HDAC4: variants seen among roughly 807,000 people sequenced by gnomAD.
HDAC4 encodes histone deacetylase 4.
In HDAC4, 16 loss-of-function variants were observed where a neutral mutation model predicts 135.1. That is an observed-to-expected ratio of 0.12 (90% confidence interval 0.08 to 0.18). The LOEUF (loss-of-function observed/expected upper bound fraction) is 0.18. Among genes scored for constraint, HDAC4 ranks in the 10% least tolerant of loss-of-function variants. The probability of loss-of-function intolerance (pLI) is 1.00; values close to 1 mark genes in which losing one functional copy is unlikely to be tolerated. For synonymous variants in HDAC4, 685 were observed against 653.4 expected, an observed-to-expected ratio of 1.05 and a Z score of -0.74; for missense variants, 1,143 against 1,511.8, an observed-to-expected ratio of 0.76 and a Z score of 4.05.
At chr2:239,397,425 G>A (rs1696638560) in intron 1 of HDAC4, among the ~76,000 whole-genome samples, 1 of 152,156 alleles carries the variant, frequency 6.6e-6, no homozygotes, top group South Asian at 2.1e-4. Flanking sequence ...TCATCTCCTT[G>A]CTCCAGGATA....
chr2:239,140,972 C>T (rs147438631), intron 8 of HDAC4: 21 of 426,966 alleles, frequency 4.9e-5, no homozygotes, highest in African/African-American at 4.3e-4. Flanking sequence ...GGTAAAGCCA[C>T]CCACAGCTCC....
chr2:239,161,928 G>C (rs1201622684), intron 6 of HDAC4: 42 of 367,962 alleles, frequency 1.1e-4, no homozygotes, highest in Non-Finnish European at 2.2e-5. Flanking sequence ...TGCAGGTGCA[G>C]CCTTTCCTTG....
chr2:239,231,065 T>C (rs1378620197), intron 3 of HDAC4, among the ~76,000 whole-genome samples: 4 of 152,242 alleles, frequency 2.6e-5, no homozygotes, highest in African/African-American at 4.8e-5. Flanking sequence ...TTGCGTTATT[T>C]TGGAGAGTTT....
chr2:239,174,748 G>T (rs947599235), intron 5 of HDAC4, among the ~76,000 whole-genome samples: 1 of 152,198 alleles, frequency 6.6e-6, no homozygotes, highest in African/African-American at 2.4e-5. Context: ...AACTTTAGAA[G>T]AAATGACTAC....
rs774235431 is a variant in HDAC4 at position 239,240,850 on chromosome 2, C to T, written c.23-4186G>A. Among the ~76,000 whole-genome samples the T allele has an allele frequency of 2.6e-5, 4 of 152,232 alleles. No individual in the cohort carries two copies. The highest frequency in any genetic ancestry group is 5.9e-5 in the Non-Finnish European group (4 of 68,050). On this transcript the variant is annotated intron_variant, in intron 2 of 26. Transcript: ENST00000543185. This position sits in a 1 kb window ranked among gnomAD's most constrained non-coding sequence, Gnocchi z 4.5. Reference sequence around the variant, plus strand: ...AGCCTGAACTGAGCATTGTTTGAGACTCGGAGTCCGCCCATGGGAGGAACA... The same window carrying T: ...AGCCTGAACTGAGCATTGTTTGAGATTCGGAGTCCGCCCATGGGAGGAACA...
Position 239,269,378 on chromosome 2 carries a change from T to C in HDAC4, c.23-32714A>G, listed in dbSNP as rs572699845. Reference sequence around the variant, plus strand: ...ATACACGTGCATGCATGCATGCACCTAGCAAATATTGTACATTGTCTGTGT... The same window carrying C: ...ATACACGTGCATGCATGCATGCACCCAGCAAATATTGTACATTGTCTGTGT... On this transcript the variant is annotated intron_variant, in intron 2 of 26. Transcript: ENST00000543185. Among the ~76,000 whole-genome samples, 5 of 152,296 alleles carry C rather than the reference T, an allele frequency of 3.3e-5. No individual in the cohort carries two copies. The East Asian group carries it at 9.7e-4, about 29-fold the overall frequency.
chr2:239,066,277 A>G (rs2033468967), intron 24 of HDAC4, among the ~76,000 whole-genome samples: 1 of 152,206 alleles, frequency 6.6e-6, no homozygotes, highest in African/African-American at 2.4e-5. Flanking sequence ...AGCAGCAGAC[A>G]GGCCTGCTGG....
intron 1 of HDAC4, among the ~76,000 whole-genome samples, chr2:239,355,091 G>C (rs755087748): frequency 6.6e-6 from 1 of 152,050 alleles, no homozygotes; most frequent in Non-Finnish European, 1.5e-5. Context: ...GAATCTACTG[G>C]CATTTTTTTC....
intron 8 of HDAC4, among the ~76,000 whole-genome samples, chr2:239,140,641 G>A (rs747939021): frequency 5.9e-5 from 9 of 152,198 alleles, no homozygotes; most frequent in African/African-American, 1.2e-4. Flanking sequence ...AACTCTAGGC[G>A]TCTGCTGTTC....
chr2:239,094,877 C>T (rs1462512315), intron 17 of HDAC4, 133 bp downstream of exon 17: 1 of 1,589,498 alleles, frequency 6.3e-7, no homozygotes, highest in Admixed American at 1.7e-5. Flanking sequence ...TGAAGCCGCA[C>T]ATGGGCAGCC....
chr2:239,302,915 C>T (rs1359076704), intron 2 of HDAC4, among the ~76,000 whole-genome samples: 1 of 152,222 alleles, frequency 6.6e-6, no homozygotes, highest in African/African-American at 2.4e-5. Context: ...GTGGTGACAG[C>T]CCCAAGCAGG....
chr2:239,123,842 C>T (rs2039901969), intron 12 of HDAC4, among the ~76,000 whole-genome samples: 1 of 152,102 alleles, frequency 6.6e-6, no homozygotes, highest in Non-Finnish European at 1.5e-5. Flanking sequence ...TTGCTGGGAT[C>T]CTGGTATTTC....
rs1000165132 is a variant in HDAC4 at position 239,116,002 on chromosome 2, C to T, written c.1534-692G>A. 4.6e-5 allele frequency among the ~76,000 whole-genome samples: 7 copies of T among 152,160 alleles called. 1 individual carries two copies. Among genetic ancestry groups the T allele is most frequent in the African/African-American group, 1.2e-4 (5 of 41,430 alleles). ...GGGGCCCCAAGAACCGCAACATCCTCCCTCCTGTGGGACTCCCTAGATGCC... is the reference window on the plus strand; with the variant it reads ...GGGGCCCCAAGAACCGCAACATCCTTCCTCCTGTGGGACTCCCTAGATGCC... On this transcript the variant is annotated intron_variant, in intron 12 of 26. Coordinates refer to ENST00000543185, the MANE Select transcript of HDAC4 (RefSeq NM_001378414.1).
At chr2:239,346,519 AAC>A (rs1291604571) in intron 2 of HDAC4, among the ~76,000 whole-genome samples, 1 of 145,096 alleles carries the variant, frequency 6.9e-6, no homozygotes, top group Non-Finnish European at 1.5e-5. Flanking sequence ...CACACACCCT[AAC>A]ACATACCACA....
intron 2 of HDAC4, among the ~76,000 whole-genome samples, chr2:239,261,759 G>C (rs2125101420): frequency 6.6e-6 from 1 of 152,138 alleles, no homozygotes; most frequent in Middle Eastern, 3.4e-3. Flanking sequence ...GCAGTGGGCT[G>C]GTCCACTCTT....
chr2:239,048,915 C>T lies in HDAC4; in HGVS notation c.*4182G>A, dbSNP rs540204281. On this transcript the variant is annotated 3_prime_UTR_variant, in exon 27 of 27. Coordinates refer to ENST00000543185, the MANE Select transcript of HDAC4 (RefSeq NM_001378414.1). ...AGCTGTGCGGAAAAGGGGACTCTTTCGAGTCCGCCCAGTTCTCAATCAGAA... is the reference window on the plus strand; with the variant it reads ...AGCTGTGCGGAAAAGGGGACTCTTTTGAGTCCGCCCAGTTCTCAATCAGAA... 2 of 152,358 alleles carry T rather than the reference C, an allele frequency of 1.3e-5. No homozygotes were observed. Among genetic ancestry groups the T allele is most frequent in the South Asian group, 2.1e-4 (1 of 4,830 alleles). 9.4% of individuals were successfully genotyped at this position (152,358 alleles called of 1,614,324 possible). A position where few individuals can be genotyped will look rare whatever the true frequency, so the allele number is the denominator to read the frequency against.
rs573222408 is a variant in HDAC4 at position 239,102,794 on chromosome 2, C to T, written c.2215G>A (p.Asp739Asn). ...GTNPLNRQKL[D>N]SKKLLGSLAS... ...GAAATACCTAGAAGTTTCTTACTGT[C>T]CAGTTTCTGCCGGTTGAGGGGGTTC... The change falls in exon 16 of 27, where the codon GAC (aspartate) becomes AAC (asparagine). Residue 739 changes from aspartate to asparagine, a missense_variant. Transcript: ENST00000543185. 1 of 1,613,912 alleles carries T rather than the reference C, an allele frequency of 6.2e-7. No homozygotes were observed. Among genetic ancestry groups the T allele is most frequent in the Admixed American group, 1.7e-5 (1 of 60,020 alleles).
At chr2:239,089,861 G>A in intron 18 of HDAC4, 148 bp downstream of exon 18, 1 of 693,028 alleles carries the variant, frequency 1.4e-6, no homozygotes, top group Admixed American at 2.0e-5. Context: ...TCAATAGCGA[G>A]GCTGTGCTGA....
chr2:239,333,620 A>T (rs996041201), intron 2 of HDAC4, among the ~76,000 whole-genome samples: 4 of 152,200 alleles, frequency 2.6e-5, no homozygotes, highest in African/African-American at 9.6e-5. Flanking sequence ...AATTCAACAC[A>T]ATAAAATAAA....
Sources: gnomAD v4.1 joint callset for allele counts (sites outside exome capture counted in the v4.1 genomes callset) on GRCh38, gnomAD v4.1.1 for gene constraint, Gnocchi (gnomAD v3.1) non-coding constraint, MANE v1.5 for transcripts, NCBI Gene and HGNC (gene_info 2026-07-23, HGNC 2026-07-21) for gene names.